Variants in TACC2 observed in about 807,000 individuals in gnomAD.
TACC2 encodes transforming acidic coiled-coil containing protein 2.
Under a neutral mutation model 227.3 loss-of-function variants are expected in TACC2, and 137 were observed. The observed-to-expected ratio is 0.60, with a 90% CI of 0.52 to 0.69. TACC2 has a LOEUF of 0.69. Among genes scored for constraint, TACC2 ranks in the 30% least tolerant of loss-of-function variants. TACC2 has a pLI of 0.00. For missense variants in TACC2, 3,470 were observed against 3,694.4 expected (o/e 0.94, Z 1.57); for synonymous variants, 1,523 against 1,487.5 (o/e 1.02, Z -0.55).
rs201169518 is a variant in TACC2 at position 122,084,893 on chromosome 10, T to C, written c.2393T>C (p.Leu798Pro). ...GACCTGGGGCTCACGGCACTCATCC[T>C]GGACCAAGATCAGCAGGGAATCCCA... is the stretch of plus-strand genomic sequence containing the variant. Reference protein sequence around the residue: ...AADLGLTALILDQDQQGIPSC... With the variant: ...AADLGLTALIPDQDQQGIPSC... The change falls in exon 4 of 23, where the codon CTG becomes CCG. Residue 798 changes from leucine to proline, a missense_variant. This residue lies in a region of TACC2 where 1,924 missense variants were observed against 1,978.3 expected (regional missense o/e 0.97). Transcript: ENST00000369005. 5 of 1,614,072 alleles carry C rather than the reference T, an allele frequency of 3.1e-6. No individual in the cohort carries two copies. The African/African-American group carries it at 5.3e-5, about 17-fold the overall frequency.
At chr10:122,072,086 C>T (rs946434955) in intron 3 of TACC2, among the ~76,000 whole-genome samples, 4 of 148,610 alleles carry the variant, frequency 2.7e-5, no homozygotes, top group African/African-American at 9.9e-5. Context: ...TCACACCATT[C>T]TCCTGCCTCA....
chr10:122,242,948 TTTG>T (rs201187067), intron 19 of TACC2, among the ~76,000 whole-genome samples: 5 of 152,026 alleles, frequency 3.3e-5, no homozygotes, highest in South Asian at 2.1e-4. Context: ...GATAACCAGT[TTTG>T]TTGTTGTTGT....
rs754870626 is a variant in TACC2 at position 122,086,390 on chromosome 10, C to T, written c.3890C>T (p.Pro1297Leu). 5 of 1,613,658 alleles carry T rather than the reference C, an allele frequency of 3.1e-6. No homozygotes were observed. Among genetic ancestry groups the T allele is most frequent in the African/African-American group, 1.3e-5 (1 of 75,064 alleles). ...GGCTCCCTCGCCCCCCTGTTGCAAC[C>T]AGGAGCTGCAGGTGGGGAAATCCCT... ...FAGSLAPLLQ[P>L]GAAGGEIPAV... The change falls in exon 4 of 23, where the codon CCA becomes CTA. Residue 1297 changes from proline (P) to leucine (L), a missense_variant. Around this residue, in one of 10 missense-constraint regions of TACC2, gnomAD observed 1,924 missense variants for 1,978.3 expected, o/e 0.97. Coordinates refer to ENST00000369005, the MANE Select transcript of TACC2 (RefSeq NM_206862.4).
chr10:122,153,340 T>G (rs1021751584), intron 7 of TACC2, among the ~76,000 whole-genome samples: 6 of 152,302 alleles, frequency 3.9e-5, no homozygotes, highest in Admixed American at 6.5e-5. Context: ...GTCAGGGAGA[T>G]ATTTTTGTTG....
chr10:122,072,973 C>T (rs1038900950), intron 3 of TACC2, among the ~76,000 whole-genome samples: 2 of 151,134 alleles, frequency 1.3e-5, no homozygotes, highest in African/African-American at 4.9e-5. Flanking sequence ...ATTAGCCAGG[C>T]GTGGTGGCGC....
intron 18 of TACC2, 100 bp downstream of exon 18, chr10:122,238,137 G>A: frequency 1.2e-6 from 1 of 866,878 alleles, no homozygotes. Flanking sequence ...TGTCTTCTGT[G>A]GAAGTTCTCT....
intron 8 of TACC2, among the ~76,000 whole-genome samples, chr10:122,199,959 A>G (rs1282616707): frequency 1.3e-5 from 2 of 152,202 alleles, no homozygotes; most frequent in African/African-American, 4.8e-5. Context: ...ATCACCTCCC[A>G]AAGGCCCCAC....
At chr10:122,035,724 T>C (rs561874632) in intron 2 of TACC2, among the ~76,000 whole-genome samples, 1 of 152,318 alleles carries the variant, frequency 6.6e-6, no homozygotes, top group African/African-American at 2.4e-5. Flanking sequence ...TTTCATCTTC[T>C]CAAACTGAAA....
chr10:122,088,495 G>T lies in TACC2; in HGVS notation c.5477G>T (p.Gly1826Val). The T allele has an allele frequency of 6.2e-7, 1 of 1,612,972 alleles. No individual in the cohort carries two copies. Among genetic ancestry groups the T allele is most frequent in the Non-Finnish European group, 8.5e-7 (1 of 1,179,564 alleles). ...TATCCCAGAGAGAGCCCCAGGCCTG[G>T]CCCATCCATGTTACCTTCGGTTCCT... ...LHTDRESPRPGPSMLPSVPKK... is the reference protein window; with the variant it reads ...LHTDRESPRPVPSMLPSVPKK... Residue 1826 changes from glycine (G) to valine (V), a missense_variant, in exon 5 of 23, where the codon GGC (glycine) becomes GTC (valine). Around this residue, in one of 10 missense-constraint regions of TACC2, gnomAD observed 1,924 missense variants for 1,978.3 expected, o/e 0.97. Coordinates refer to ENST00000369005, the MANE Select transcript of TACC2 (RefSeq NM_206862.4).
chr10:122,118,516 A>G (rs1435843701), intron 5 of TACC2, among the ~76,000 whole-genome samples: 1 of 152,198 alleles, frequency 6.6e-6, no homozygotes, highest in Non-Finnish European at 1.5e-5. Context: ...GATTTTCGTC[A>G]GTTCTTGTTG....
intron 5 of TACC2, among the ~76,000 whole-genome samples, chr10:122,108,346 T>C (rs182283219): frequency 6.6e-6 from 1 of 152,252 alleles, no homozygotes; most frequent in East Asian, 1.9e-4. Flanking sequence ...ATTTTATTCC[T>C]TTTTATGGCT....
At position 122,084,531 on chromosome 10, in the gene TACC2, T is replaced by C. The variant is rs539975814; in HGVS notation, c.2031T>C (p.Ala677=). 4 of 1,613,576 alleles carry C rather than the reference T, an allele frequency of 2.5e-6. No individual in the cohort carries two copies. The South Asian group carries it at 3.3e-5, about 13-fold the overall frequency. Residue 677 remains alanine (A), a synonymous_variant, in exon 4 of 23, where the codon GCT becomes GCC. Transcript: ENST00000369005. ...DPVLPPVPDG[A]GEPTVPEGAI... is the part of the protein sequence containing the mutation. ...TCCTGCCCCCTGTGCCAGATGGAGC[T>C]GGTGAGCCCACTGTTCCCGAAGGAG...
intron 2 of TACC2, among the ~76,000 whole-genome samples, chr10:122,043,271 T>G (rs1460979382): frequency 6.6e-6 from 1 of 152,222 alleles, no homozygotes; most frequent in African/African-American, 2.4e-5. Context: ...TGTCACCTCT[T>G]ACATCTTTGA....
chr10:122,031,397 C>CTTTT (rs758476678), intron 2 of TACC2, among the ~76,000 whole-genome samples: 93 of 91,748 alleles, frequency 1.0e-3, no homozygotes, highest in African/African-American at 3.2e-3. Context: ...GGTCTAGCCT[C>CTTTT]TTTTTTTTTT....
chr10:122,188,209 G>C (rs2094280520), intron 7 of TACC2, among the ~76,000 whole-genome samples: 1 of 152,288 alleles, frequency 6.6e-6, no homozygotes, highest in Admixed American at 6.5e-5. Context: ...CCTCATTTCT[G>C]TCTCTTCAGA....
At chr10:122,025,861 A>G (rs1957932520) in intron 2 of TACC2, among the ~76,000 whole-genome samples, 1 of 151,666 alleles carries the variant, frequency 6.6e-6, no homozygotes, top group African/African-American at 2.4e-5. Flanking sequence ...GGCGTAAGCC[A>G]CTGCACCCCG....
At chr10:122,026,922 A>T (rs953076336) in intron 2 of TACC2, among the ~76,000 whole-genome samples, 2 of 152,204 alleles carry the variant, frequency 1.3e-5, no homozygotes, top group African/African-American at 4.8e-5. Context: ...ACTACTATAA[A>T]CATCTATGTG....
At chr10:122,248,529 G>C in intron 19 of TACC2, 114 bp from the exon 20 acceptor site, 2 of 1,263,562 alleles carry the variant, frequency 1.6e-6, no homozygotes, top group Non-Finnish European at 2.3e-6. Context: ...AAAAGCTGGG[G>C]TTTGAGATGC....
rs565708321 is a variant in TACC2 at position 122,206,334 on chromosome 10, A to G, written c.5972-4063A>G. Among the ~76,000 whole-genome samples, 3 of 152,276 alleles carry G rather than the reference A, an allele frequency of 2.0e-5. No homozygotes were observed. In the East Asian group the frequency reaches 5.8e-4, roughly 29 times the overall value. On this transcript the variant is annotated intron_variant, in intron 8 of 22. Transcript: ENST00000369005. ...TGGGCAGCACTGGTGCTATGGCCTG[A>G]ATTGTGGCCTCCAATGTTTGTATGC...
Sources: allele counts gnomAD v4.1 joint callset (sites outside exome capture counted in the v4.1 genomes callset), GRCh38; gene constraint gnomAD v4.1.1; regional missense constraint gnomAD v4.1.1; transcripts MANE v1.5; gene names NCBI Gene and HGNC (gene_info 2026-07-23, HGNC 2026-07-21).